ZC3H12B: variants seen among roughly 807,000 people sequenced by gnomAD.
ZC3H12B encodes the protein probable ribonuclease ZC3H12B.
Under a neutral mutation model 43.9 loss-of-function variants are expected in ZC3H12B, and 7 were observed. The ratio of observed to expected loss-of-function variants is 0.16; its 90% CI spans 0.09 to 0.30. ZC3H12B has a LOEUF of 0.30. Ranked by LOEUF, ZC3H12B falls within the 10% of genes least tolerant of loss-of-function variation. ZC3H12B has a pLI of 1.00. For synonymous variants in ZC3H12B, 222 were observed against 241.7 expected, an observed-to-expected ratio of 0.92 and a Z score of 0.76; for missense variants, 475 against 670.2, an observed-to-expected ratio of 0.71 and a Z score of 3.22.
chrX:65,321,675 T>TA, the ZC3H12B span, among the ~76,000 whole-genome samples: 924 of 89,624 alleles, frequency 0.01, 6 homozygotes, highest in African/African-American at 0.02. Flanking sequence ...GTAGACTGGA[T>TA]AAAAAAAAAA....
the ZC3H12B span, among the ~76,000 whole-genome samples, chrX:65,253,503 G>A: frequency 8.9e-6 from 1 of 112,266 alleles, no homozygotes; most frequent in African/African-American, 3.2e-5. Context: ...GTGAAGCACA[G>A]CCAGGGGCTC....
chrX:65,178,184 C>G, the ZC3H12B span, among the ~76,000 whole-genome samples: 1 of 112,051 alleles, frequency 8.9e-6, no homozygotes, highest in African/African-American at 3.2e-5. Context: ...ATTTAATAAA[C>G]AGTGTTGGAA....
intron 1 of ZC3H12B, among the ~76,000 whole-genome samples, chrX:65,495,762 A>G (rs1347292882): frequency 8.9e-6 from 1 of 112,518 alleles, no homozygotes; most frequent in Non-Finnish European, 1.9e-5. Context: ...TTCTATTTAA[A>G]TGAATTCTGT....
At chrX:65,485,520 C>T (rs2068114221), upstream of ZC3H12B, among the ~76,000 whole-genome samples, 2 of 112,604 alleles carry the variant, frequency 1.8e-5, no homozygotes, top group Non-Finnish European at 3.8e-5. Context: ...CCTCCCAAAG[C>T]GCTGGGATTA....
At chrX:65,410,420 C>T (rs1299648242) in intron 3 of ZC3H12B, among the ~76,000 whole-genome samples, 1 of 111,608 alleles carries the variant, frequency 9.0e-6, no homozygotes, top group African/African-American at 3.3e-5. Context: ...ATTTTTTGAA[C>T]AATATCCCTT....
chrX:65,348,094 G>T, the ZC3H12B span, among the ~76,000 whole-genome samples: 1 of 109,583 alleles, frequency 9.1e-6, no homozygotes, highest in Non-Finnish European at 1.9e-5. Flanking sequence ...GGGGTGGGGG[G>T]AGTGGGGGGA....
At chrX:65,323,751 T>A in the ZC3H12B span, among the ~76,000 whole-genome samples, 1 of 112,067 alleles carries the variant, frequency 8.9e-6, no homozygotes, top group Admixed American at 9.4e-5. Context: ...TAGTTCTAGA[T>A]CCTGGAGGAA....
intron 2 of ZC3H12B, among the ~76,000 whole-genome samples, chrX:65,375,129 G>A (rs1157334127): frequency 9.0e-6 from 1 of 111,652 alleles, no homozygotes; most frequent in African/African-American, 3.3e-5. Flanking sequence ...GAAAGGGAGG[G>A]TACAGCGGTT....
the ZC3H12B span, among the ~76,000 whole-genome samples, chrX:65,103,139 A>G: frequency 9.0e-6 from 1 of 111,422 alleles, no homozygotes; most frequent in South Asian, 3.8e-4. Flanking sequence ...TGGGAGCACT[A>G]TGGGAGACCG....
chrX:65,231,284 G>A, the ZC3H12B span, among the ~76,000 whole-genome samples: 1 of 111,275 alleles, frequency 9.0e-6, no homozygotes, highest in South Asian at 3.9e-4. Context: ...AAAGGGTAGA[G>A]CAAGATCACA....
chrX:65,186,574 G>C, the ZC3H12B span: 2 of 107,576 alleles, frequency 1.9e-5, no homozygotes, highest in South Asian at 4.2e-4. Flanking sequence ...GGAACAGGTG[G>C]TGTTTGGTTA....
At chrX:65,073,489 G>A in the ZC3H12B span, among the ~76,000 whole-genome samples, 1 of 112,330 alleles carries the variant, frequency 8.9e-6, no homozygotes, top group African/African-American at 3.2e-5. Flanking sequence ...GGCAGACCAA[G>A]GGGTGTTCAG....
chrX:65,122,702 A>T, the ZC3H12B span, among the ~76,000 whole-genome samples: 6 of 111,167 alleles, frequency 5.4e-5, no homozygotes, highest in African/African-American at 1.6e-4. Flanking sequence ...CTACCAAGCA[A>T]ATGGACAACA....
At chrX:65,383,699 A>G (rs1255614058) in intron 2 of ZC3H12B, among the ~76,000 whole-genome samples, 1 of 110,859 alleles carries the variant, frequency 9.0e-6, no homozygotes, top group Non-Finnish European at 1.9e-5. Context: ...TTCACAACCT[A>G]CTCATCTGAC....
chrX:65,093,550 C>T, the ZC3H12B span, among the ~76,000 whole-genome samples: 2 of 112,128 alleles, frequency 1.8e-5, no homozygotes, highest in East Asian at 5.6e-4. Flanking sequence ...ATCAGCATGC[C>T]CTGGGTGTAA....
intron 3 of ZC3H12B, among the ~76,000 whole-genome samples, chrX:65,481,154 A>T (rs2068058993): frequency 9.0e-6 from 1 of 110,998 alleles, no homozygotes; most frequent in Admixed American, 9.6e-5. Context: ...ATGCGATACC[A>T]TCTGCCTAGT....
the ZC3H12B span, among the ~76,000 whole-genome samples, chrX:65,155,451 T>C: frequency 1.2e-4 from 13 of 111,825 alleles, no homozygotes; most frequent in African/African-American, 4.2e-4. Context: ...TCTTTTGTCA[T>C]ATATTGCTGG....
chrX:65,215,548 C>T, the ZC3H12B span, among the ~76,000 whole-genome samples: 2 of 110,771 alleles, frequency 1.8e-5, no homozygotes, highest in East Asian at 2.8e-4. Context: ...TGCAGCCTTG[C>T]CCTGTATTGG....
intron 3 of ZC3H12B, among the ~76,000 whole-genome samples, chrX:65,410,337 A>AT (rs1252287053): frequency 8.9e-6 from 1 of 112,026 alleles, no homozygotes; most frequent in Non-Finnish European, 1.9e-5. Flanking sequence ...AGACTTAAAT[A>AT]TAAGACCTCA....
Sources: gnomAD v4.1 joint callset for allele counts (sites outside exome capture counted in the v4.1 genomes callset) on GRCh38, gnomAD v4.1.1 for gene constraint, MANE v1.5 for transcripts, NCBI Gene and HGNC (gene_info 2026-07-23, HGNC 2026-07-21) for gene names.